The following POU2F3 variants were observed in gnomAD, a reference collection of about 807,000 sequenced individuals.
POU2F3 encodes POU domain, class 2, transcription factor 3.
POU2F3 carries 23 observed loss-of-function variants against 59.2 expected under a neutral mutation model. The observed-to-expected ratio is 0.39, with a 90% CI of 0.28 to 0.55. The LOEUF (loss-of-function observed/expected upper bound fraction) is 0.55, where lower values mean the gene tolerates loss of function less well. Among genes scored for constraint, POU2F3 ranks in the 20% least tolerant of loss-of-function variants. POU2F3 has a pLI of 0.66. For missense variants in POU2F3, 473 were observed against 544.5 expected (o/e 0.87, Z 1.31); for synonymous variants, 190 against 214.6 (o/e 0.89, Z 1.00).
intron 7 of POU2F3, 40 bp from the exon 8 acceptor site, chr11:120,305,604 G>A (rs761263796): frequency 1.2e-6 from 2 of 1,606,322 alleles, no homozygotes; most frequent in East Asian, 2.2e-5. Flanking sequence ...AGAGGAGGAG[G>A]CTGCCTCTCA....
intron 2 of POU2F3, among the ~76,000 whole-genome samples, chr11:120,255,775 A>G (rs1197994948): frequency 6.6e-6 from 1 of 152,032 alleles, no homozygotes; most frequent in Non-Finnish European, 1.5e-5. Context: ...CCCTTCCTGC[A>G]CCTGGGCTCC....
upstream of POU2F3, among the ~76,000 whole-genome samples, chr11:120,238,721 C>A (rs1211950459): frequency 2.0e-5 from 3 of 150,512 alleles, no homozygotes; most frequent in Non-Finnish European, 4.4e-5. Context: ...ATAGTCTCAG[C>A]CACTCAGGAG....
At chr11:120,280,389 T>C (rs1262508010) in intron 3 of POU2F3, among the ~76,000 whole-genome samples, 1 of 152,170 alleles carries the variant, frequency 6.6e-6, no homozygotes, top group African/African-American at 2.4e-5. Context: ...CAAACCAAAG[T>C]TGAAGTGCTG....
upstream of POU2F3, chr11:120,236,779 A>G (rs1220498705): frequency 4.3e-5 from 59 of 1,373,308 alleles, no homozygotes; most frequent in Non-Finnish European, 5.2e-5. Flanking sequence ...CTGAGAGAGA[A>G]GGAATAAAGA....
Position 120,319,618 on chromosome 11 carries a change from G to A in POU2F3, c.*1226G>A, listed in dbSNP as rs914048537. On this transcript the variant is annotated 3_prime_UTR_variant, in exon 13 of 13. Coordinates refer to ENST00000543440, the MANE Select transcript of POU2F3 (RefSeq NM_014352.4). ...CCAAAAATTAGCCCAGCTAATTTTT[G>A]TATTTTTAGTAGAGATGGGGTTTCA... is the stretch of plus-strand genomic sequence containing the variant. 1 of 151,812 alleles carries A rather than the reference G, an allele frequency of 6.6e-6. No individual in the cohort carries two copies. The highest frequency in any genetic ancestry group is 2.4e-5 in the African/African-American group (1 of 41,214). The allele number at this position is 151,812 out of a possible 1,614,324, so 9.4% of individuals were successfully genotyped here.
chr11:120,307,318 G>A (rs549296669), intron 8 of POU2F3, among the ~76,000 whole-genome samples, 161 bp from the exon 9 acceptor site: 2 of 152,352 alleles, frequency 1.3e-5, no homozygotes, highest in East Asian at 1.9e-4. Context: ...AAAAGAAATA[G>A]GATTCTTGGT....
intron 2 of POU2F3, among the ~76,000 whole-genome samples, chr11:120,257,637 C>T (rs559038140): frequency 2.2e-3 from 329 of 152,178 alleles, no homozygotes; most frequent in Non-Finnish European, 3.3e-3. Flanking sequence ...ACCCTGGCAG[C>T]GTCACACCAC....
At chr11:120,289,937 A>C (rs1278416319) in intron 3 of POU2F3, among the ~76,000 whole-genome samples, 1 of 152,158 alleles carries the variant, frequency 6.6e-6, no homozygotes, top group African/African-American at 2.4e-5. Flanking sequence ...GGGGCTTCCT[A>C]TTCATCTTTG....
chr11:120,296,224 C>T (rs1428763652), intron 3 of POU2F3, among the ~76,000 whole-genome samples: 1 of 152,186 alleles, frequency 6.6e-6, no homozygotes, highest in Non-Finnish European at 1.5e-5. Flanking sequence ...ATTTTCTTCC[C>T]TGTACCTCAT....
chr11:120,294,140 T>A (rs945013725), intron 3 of POU2F3, among the ~76,000 whole-genome samples: 7 of 152,220 alleles, frequency 4.6e-5, no homozygotes, highest in African/African-American at 1.7e-4. Flanking sequence ...GTAAGTGATG[T>A]CAGAGAGTTC....
At chr11:120,301,997 A>G (rs573158160) in intron 5 of POU2F3, 21 of 321,710 alleles carry the variant, frequency 6.5e-5, no homozygotes, top group Non-Finnish European at 1.1e-4. Flanking sequence ...GATCGTCTTG[A>G]CCCTCCTTAG....
chr11:120,270,797 A>G (rs185106489), intron 3 of POU2F3, among the ~76,000 whole-genome samples: 1 of 152,132 alleles, frequency 6.6e-6, no homozygotes, highest in African/African-American at 2.4e-5. Context: ...GGCTCAACCA[A>G]TCCTCCCACC....
intron 10 of POU2F3, among the ~76,000 whole-genome samples, chr11:120,311,942 G>A (rs1270636021): frequency 6.6e-6 from 1 of 152,154 alleles, no homozygotes; most frequent in South Asian, 2.1e-4. Context: ...GCGGAGTGTT[G>A]GGCAGGAATG....
intron 12 of POU2F3, 76 bp downstream of exon 12, chr11:120,317,440 G>A: frequency 1.3e-6 from 2 of 1,570,252 alleles, no homozygotes; most frequent in East Asian, 2.2e-5. Context: ...TATGCCTTGG[G>A]AAAGAAAGCT....
At chr11:120,268,310 A>G (rs1939923021) in intron 2 of POU2F3, among the ~76,000 whole-genome samples, 1 of 152,122 alleles carries the variant, frequency 6.6e-6, no homozygotes, top group African/African-American at 2.4e-5. Flanking sequence ...TTCTGAACCA[A>G]AAAGCTTTGC....
chr11:120,237,424 T>G (rs1443622171), upstream of POU2F3, among the ~76,000 whole-genome samples: 1 of 152,128 alleles, frequency 6.6e-6, no homozygotes, highest in African/African-American at 2.4e-5. Flanking sequence ...GTCCTATCTG[T>G]GCCTCAGCTT....
chr11:120,301,943 C>T (rs1007773422), intron 5 of POU2F3: 29 of 199,280 alleles, frequency 1.5e-4, no homozygotes, highest in Non-Finnish European at 2.1e-4. Flanking sequence ...TGCATCCTTT[C>T]CCTTCTTGGT....
intron 2 of POU2F3, among the ~76,000 whole-genome samples, chr11:120,268,644 C>G (rs1002011388): frequency 1.3e-5 from 2 of 152,156 alleles, no homozygotes; most frequent in African/African-American, 4.8e-5. Context: ...TTCCAGCCAC[C>G]AAAAGACATT....
At chr11:120,249,394 T>A (rs1486453362) in intron 2 of POU2F3, among the ~76,000 whole-genome samples, 1 of 152,204 alleles carries the variant, frequency 6.6e-6, no homozygotes, top group South Asian at 2.1e-4. Context: ...TCGCCCAGGC[T>A]GGAGTGCAGT....
Sources: allele counts gnomAD v4.1 joint callset (sites outside exome capture counted in the v4.1 genomes callset), GRCh38; gene constraint gnomAD v4.1.1; transcripts MANE v1.5; gene names NCBI Gene and HGNC (gene_info 2026-07-23, HGNC 2026-07-21).